RARB: variants seen among roughly 807,000 people sequenced by gnomAD.
RARB encodes retinoic acid receptor beta.
RARB carries 17 observed loss-of-function variants against 51.9 expected under a neutral mutation model. The ratio of observed to expected loss-of-function variants is 0.33; its 90% confidence interval spans 0.22 to 0.49. The LOEUF is 0.49. Ranked by LOEUF, RARB falls within the 20% of genes least tolerant of loss-of-function variation. The probability of loss-of-function intolerance (pLI) is 0.99; values close to 1 mark genes in which losing one functional copy is unlikely to be tolerated. For synonymous variants in RARB, 215 were observed against 195.4 expected, an observed-to-expected ratio of 1.10 and a Z score of -0.84; for missense variants, 369 against 550.8, an observed-to-expected ratio of 0.67 and a Z score of 3.30.
chr3:25,507,364 C>T (rs1215600271), intron 3 of RARB, among the ~76,000 whole-genome samples: 2 of 152,216 alleles, frequency 1.3e-5, no homozygotes, highest in African/African-American at 2.4e-5. Context: ...ATTCAAATCG[C>T]AGTCATTCGT....
intron 2 of RARB, among the ~76,000 whole-genome samples, chr3:25,463,354 T>C (rs766224165): frequency 6.6e-6 from 1 of 152,044 alleles, no homozygotes; most frequent in Non-Finnish European, 1.5e-5. Flanking sequence ...GTCTGGCATA[T>C]AGTGGGTGCT....
intron 3 of RARB, among the ~76,000 whole-genome samples, chr3:25,066,368 A>G (rs1698662343): frequency 1.3e-5 from 2 of 152,198 alleles, no homozygotes; most frequent in Admixed American, 1.3e-4. Flanking sequence ...TATCAAATTT[A>G]TTATCCATAA....
intron 5 of RARB, among the ~76,000 whole-genome samples, chr3:25,414,247 A>G (rs894074167): frequency 1.3e-5 from 2 of 152,228 alleles, no homozygotes; most frequent in East Asian, 1.9e-4. Context: ...GCATGTATCA[A>G]TAGTTCATTC....
intron 1 of RARB, among the ~76,000 whole-genome samples, chr3:24,843,900 T>TAC (rs71057685): frequency 0.29 from 41,340 of 145,040 alleles, 5,971 homozygotes; most frequent in Admixed American, 0.38. Flanking sequence ...GATTTGAGGG[T>TAC]ACACACACAC....
intron 5 of RARB, among the ~76,000 whole-genome samples, chr3:25,187,319 G>A (rs940153382): frequency 9.2e-5 from 14 of 151,910 alleles, no homozygotes; most frequent in African/African-American, 3.1e-4. Flanking sequence ...TTATTTATTT[G>A]TTACACTAAC....
At chr3:24,955,928 C>T (rs575482410) in intron 2 of RARB, among the ~76,000 whole-genome samples, 154 of 152,196 alleles carry the variant, frequency 1.0e-3, no homozygotes, top group Non-Finnish European at 1.8e-3. Context: ...CATCCAGTCT[C>T]CTCTTCTCTT....
At chr3:25,285,161 C>T (rs1339757623) in intron 5 of RARB, among the ~76,000 whole-genome samples, 3 of 152,098 alleles carry the variant, frequency 2.0e-5, no homozygotes, top group Non-Finnish European at 1.5e-5. Context: ...ATAATTAAAA[C>T]CTGAGATGAG....
At chr3:24,863,066 T>C (rs1462926824) in intron 2 of RARB, among the ~76,000 whole-genome samples, 1 of 152,176 alleles carries the variant, frequency 6.6e-6, no homozygotes, top group African/African-American at 2.4e-5. Context: ...TAGCCCCATA[T>C]TAACACAGAG....
At chr3:24,918,877 G>A (rs938976791) in intron 2 of RARB, among the ~76,000 whole-genome samples, 5 of 152,040 alleles carry the variant, frequency 3.3e-5, no homozygotes, top group African/African-American at 4.8e-5. Context: ...GTGACAGAGC[G>A]AGAGTCTCAA....
chr3:24,839,697 C>G (rs1237799753), intron 1 of RARB, among the ~76,000 whole-genome samples: 3 of 84,408 alleles, frequency 3.6e-5, no homozygotes, highest in Admixed American at 4.3e-4. Context: ...GACCAAGACG[C>G]TGTCTCAAAA....
chr3:25,389,003 A>G (rs894062513), intron 5 of RARB, among the ~76,000 whole-genome samples: 5 of 152,242 alleles, frequency 3.3e-5, no homozygotes, highest in Admixed American at 6.5e-5. Flanking sequence ...GGACAGAAAC[A>G]TAATGCCGGT....
intron 1 of RARB, among the ~76,000 whole-genome samples, chr3:25,455,421 T>C (rs1012770795): frequency 2.0e-5 from 3 of 152,226 alleles, no homozygotes; most frequent in African/African-American, 7.2e-5. Flanking sequence ...ATTCCCCTGC[T>C]GCAGGCCACA....
chr3:25,576,790 G>A (rs948793104), intron 4 of RARB, among the ~76,000 whole-genome samples: 16 of 152,286 alleles, frequency 1.1e-4, no homozygotes, highest in African/African-American at 3.9e-4. Context: ...GAGCTACAGG[G>A]TGGCTGCCAA....
At chr3:25,533,067 C>CA (rs1698995072) in intron 3 of RARB, among the ~76,000 whole-genome samples, 1 of 152,024 alleles carries the variant, frequency 6.6e-6, no homozygotes, top group Non-Finnish European at 1.5e-5. Context: ...TAATATTTGC[C>CA]AAAAATACTC....
chr3:25,316,728 ATTGCAAGGGACTGACAAAT>A (rs573871899), intron 5 of RARB, among the ~76,000 whole-genome samples: 317 of 152,316 alleles, frequency 2.1e-3, no homozygotes, highest in African/African-American at 7.3e-3. Context: ...TATAGACTGG[ATTGCAAGGGACTGACAAAT>A]ATGACAATGA....
intron 2 of RARB, among the ~76,000 whole-genome samples, chr3:24,878,468 A>C (rs1048489649): frequency 1.3e-5 from 2 of 152,070 alleles, no homozygotes; most frequent in African/African-American, 4.8e-5. Context: ...TGGGAAGCAA[A>C]AGAGCTGACT....
chr3:25,130,618 A>G (rs571949189), intron 3 of RARB, among the ~76,000 whole-genome samples: 1 of 151,952 alleles, frequency 6.6e-6, no homozygotes, highest in East Asian at 1.9e-4. Context: ...AGTATATTTG[A>G]AACAAGAGAG....
At chr3:24,879,261 C>A (rs549233545) in intron 2 of RARB, among the ~76,000 whole-genome samples, 2 of 151,768 alleles carry the variant, frequency 1.3e-5, no homozygotes, top group South Asian at 4.1e-4. Context: ...AACCCCATCT[C>A]TACTAAAAAT....
chr3:25,166,464 A>G (rs1217998460), intron 4 of RARB, among the ~76,000 whole-genome samples: 1 of 152,154 alleles, frequency 6.6e-6, no homozygotes, highest in Admixed American at 6.6e-5. Context: ...GCTAAAATAC[A>G]TTGGGAAAAA....
Sources: allele counts gnomAD v4.1 joint callset (sites outside exome capture counted in the v4.1 genomes callset), GRCh38; gene constraint gnomAD v4.1.1; transcripts MANE v1.5; gene names NCBI Gene and HGNC (gene_info 2026-07-23, HGNC 2026-07-21).